Variants in PTPN21 observed in about 807,000 individuals in gnomAD.
The protein encoded by PTPN21 is tyrosine-protein phosphatase non-receptor type 21.
A neutral mutation model predicts 131.8 loss-of-function variants in PTPN21; 77 were observed. The observed-to-expected ratio is 0.58, with a 90% CI of 0.49 to 0.71. The LOEUF (loss-of-function observed/expected upper bound fraction) is 0.71. Ranked by LOEUF, PTPN21 falls within the 30% of genes least tolerant of loss-of-function variation. The pLI is 0.00. For synonymous variants in PTPN21, 715 were observed against 621.3 expected, an observed-to-expected ratio of 1.15 and a Z score of -2.24; for missense variants, 1,552 against 1,527.1, an observed-to-expected ratio of 1.02 and a Z score of -0.27.
intron 2 of PTPN21, among the ~76,000 whole-genome samples, chr14:88,539,566 T>C (rs1278871004): frequency 6.6e-6 from 1 of 152,150 alleles, no homozygotes; most frequent in African/African-American, 2.4e-5. Flanking sequence ...CTTTATTTCC[T>C]TTTAAAGTAA....
chr14:88,531,742 C>T (rs1014903886), intron 2 of PTPN21, among the ~76,000 whole-genome samples: 1 of 151,874 alleles, frequency 6.6e-6, no homozygotes, highest in African/African-American at 2.4e-5. Flanking sequence ...CAAACCCAAA[C>T]CCAGCAGAAA....
chr14:88,497,633 G>A (rs73315992), intron 8 of PTPN21, among the ~76,000 whole-genome samples: 5,351 of 151,752 alleles, frequency 0.035, 305 homozygotes, highest in African/African-American at 0.12. Flanking sequence ...GAAAAAACTC[G>A]CCAGGCGTGG....
In PTPN21 at chr14:88,512,260, G is replaced by GT. The variant is rs539538843; in HGVS notation, c.351-4241dup. The GT allele has an allele frequency of 7.9e-5, 12 of 152,178 alleles. 1 individual carries two copies. The East Asian group carries it at 1.9e-3, about 24-fold the overall frequency. 9.4% of individuals were successfully genotyped at this position (152,178 alleles called of 1,614,324 possible). A position where few individuals can be genotyped will look rare whatever the true frequency, so the allele number is the denominator to read the frequency against. Reference sequence around the variant, plus strand: ...AAGGTAAGCTTTATTTTTTAAAAATGTAACTACATTTTTATCACACCCAAC... The same window carrying GT: ...AAGGTAAGCTTTATTTTTTAAAAATGTTAACTACATTTTTATCACACCCAAC... On this transcript the variant is annotated intron_variant, in intron 3 of 18. Coordinates refer to ENST00000556564, the MANE Select transcript of PTPN21 (RefSeq NM_007039.4).
intron 2 of PTPN21, among the ~76,000 whole-genome samples, chr14:88,528,082 G>A (rs2078506325): frequency 6.6e-6 from 1 of 152,162 alleles, no homozygotes; most frequent in South Asian, 2.1e-4. Flanking sequence ...CGGGTAATGT[G>A]ATGCCTCCAG....
intron 12 of PTPN21, among the ~76,000 whole-genome samples, chr14:88,482,838 G>A (rs534243135): frequency 6.6e-6 from 1 of 151,696 alleles, no homozygotes; most frequent in African/African-American, 2.4e-5. Flanking sequence ...CTCCCAGAGG[G>A]CCGCTTTAAC....
intron 12 of PTPN21, among the ~76,000 whole-genome samples, chr14:88,482,443 G>C (rs1340560006): frequency 6.6e-6 from 1 of 152,070 alleles, no homozygotes; most frequent in Non-Finnish European, 1.5e-5. Context: ...TGACCAACAC[G>C]GAGAGACCCC....
chr14:88,554,452 A>G (rs917893915), intron 1 of PTPN21, among the ~76,000 whole-genome samples, 199 bp downstream of exon 1: 1 of 152,230 alleles, frequency 6.6e-6, no homozygotes, highest in Non-Finnish European at 1.5e-5. Flanking sequence ...TCCTTTTAGA[A>G]ATTACTCAAG....
chr14:88,492,910 C>A (rs1366809959), intron 10 of PTPN21: 4 of 352,514 alleles, frequency 1.1e-5, no homozygotes, highest in African/African-American at 2.1e-5. Context: ...GAAGAGGAGA[C>A]CCTGCCCTCA....
intron 10 of PTPN21, chr14:88,493,267 G>A: frequency 3.0e-6 from 1 of 329,564 alleles, no homozygotes; most frequent in African/African-American, 2.2e-5. Flanking sequence ...AAAAGAGGTA[G>A]AAAAAACAAC....
intron 8 of PTPN21, 59 bp from the exon 9 acceptor site, chr14:88,497,349 T>A: frequency 1.5e-6 from 2 of 1,345,368 alleles, no homozygotes; most frequent in Non-Finnish European, 1.1e-6. Context: ...AACAAGGAGA[T>A]AGAATACACA....
chr14:88,509,117 G>A (rs1216274437), intron 3 of PTPN21, among the ~76,000 whole-genome samples: 1 of 149,670 alleles, frequency 6.7e-6, no homozygotes, highest in Admixed American at 6.6e-5. Context: ...TATCAATCAC[G>A]TACTTGAAGC....
chr14:88,512,759 G>A (rs1447612411), intron 3 of PTPN21, among the ~76,000 whole-genome samples: 2 of 152,154 alleles, frequency 1.3e-5, no homozygotes, highest in African/African-American at 4.8e-5. Context: ...ATTAACTTTA[G>A]CCACATGTAG....
rs1327943187 is a variant in PTPN21, at chr14:88,469,425, G to A, written c.3235+74C>T. On this transcript the variant is annotated intron_variant, in intron 17 of 18. Transcript: ENST00000556564. This position sits in a 1 kb window ranked among gnomAD's most constrained non-coding sequence, Gnocchi z 4.3. ...TGAGATAACATAAAGGAAATATTTCGGAAACATAAATGTTCCTCTCTGTTT... is the reference window on the plus strand; with the variant it reads ...TGAGATAACATAAAGGAAATATTTCAGAAACATAAATGTTCCTCTCTGTTT... 21 of 1,279,564 alleles carry A rather than the reference G, an allele frequency of 1.6e-5. No individual in the cohort carries two copies. The highest frequency in any genetic ancestry group is 1.6e-4 in the East Asian group (7 of 43,034). The allele number at this position is 1,279,564 out of a possible 1,614,324, so 79.3% of individuals were successfully genotyped here.
At position 88,504,444 on chromosome 14, in the gene PTPN21, A is replaced by G. The variant is rs1410051213; in HGVS notation, c.568T>C (p.Leu190=). 6.2e-7 allele frequency: 1 copy of G among 1,611,118 alleles called. No homozygotes were observed. Among genetic ancestry groups the G allele is most frequent in the Admixed American group, 1.7e-5 (1 of 60,018 alleles). The change falls in exon 6 of 19, where the codon TTA becomes CTA. Residue 190 remains leucine, a synonymous_variant. Coordinates refer to ENST00000556564, the MANE Select transcript of PTPN21 (RefSeq NM_007039.4). ...AGTTACCTGTATTTCTGATGTAGTA[A>G]GGCCACTTTTTGGGTTGCTTCTTCC... ...VLEEATQKVA[L]LHQKYRGLTA...
intron 3 of PTPN21, among the ~76,000 whole-genome samples, chr14:88,514,757 C>G (rs544657805): frequency 1.3e-5 from 2 of 150,714 alleles, no homozygotes; most frequent in Non-Finnish European, 3.0e-5. Context: ...AGCCACCACG[C>G]CTGGCCCTCC....
At chr14:88,549,452 G>T (rs186952420) in intron 2 of PTPN21, among the ~76,000 whole-genome samples, 1 of 152,128 alleles carries the variant, frequency 6.6e-6, no homozygotes, top group Non-Finnish European at 1.5e-5. Flanking sequence ...GCACCCCAAG[G>T]GGAGACTTCT....
chr14:88,497,151 C>A (rs1163534668), intron 9 of PTPN21, 52 bp downstream of exon 9: 6 of 1,400,504 alleles, frequency 4.3e-6, no homozygotes, highest in Non-Finnish European at 5.1e-6. Flanking sequence ...AGAAGTAGAA[C>A]TTGTTAACTT....
intron 2 of PTPN21, among the ~76,000 whole-genome samples, chr14:88,543,016 T>C (rs2139357637): frequency 6.6e-6 from 1 of 152,240 alleles, no homozygotes; most frequent in Non-Finnish European, 1.5e-5. Context: ...ATTTTTAGAG[T>C]CCAAATGAAA....
At chr14:88,472,020 CTCTG>C (rs1438543690) in intron 15 of PTPN21, among the ~76,000 whole-genome samples, 4 of 152,074 alleles carry the variant, frequency 2.6e-5, no homozygotes, top group Admixed American at 2.0e-4. Flanking sequence ...ATGACTTTGG[CTCTG>C]TCTGATAGAC....
Sources: allele counts gnomAD v4.1 joint callset (sites outside exome capture counted in the v4.1 genomes callset), GRCh38; gene constraint gnomAD v4.1.1; non-coding constraint Gnocchi (gnomAD v3.1); transcripts MANE v1.5; gene names NCBI Gene and HGNC (gene_info 2026-07-23, HGNC 2026-07-21).